The following PDE1A variants were observed in gnomAD, a reference collection of about 807,000 sequenced individuals.
PDE1A encodes dual specificity calcium/calmodulin-dependent 3',5'-cyclic nucleotide phosphodiesterase 1A.
PDE1A carries 35 observed loss-of-function variants against 61.7 expected under a neutral mutation model. That is an observed-to-expected ratio of 0.57 (90% CI 0.43 to 0.75). PDE1A has a LOEUF of 0.75. Ranked by LOEUF, PDE1A falls within the 30% of genes least tolerant of loss-of-function variation. The pLI, the probability that PDE1A is intolerant of heterozygous loss-of-function variation, is 0.00. For missense variants in PDE1A, 597 were observed against 630.6 expected (o/e 0.95, Z 0.57); for synonymous variants, 232 against 213.2 (o/e 1.09, Z -0.77).
chr2:182,341,733 A>C (rs1414399018), intron 1 of PDE1A, among the ~76,000 whole-genome samples: 1 of 152,178 alleles, frequency 6.6e-6, no homozygotes, highest in Non-Finnish European at 1.5e-5. Context: ...CTTTCTTTGA[A>C]TAAGCTACAA....
At chr2:182,335,440 C>G (rs940214975) in intron 1 of PDE1A, among the ~76,000 whole-genome samples, 1 of 152,136 alleles carries the variant, frequency 6.6e-6, no homozygotes, top group Admixed American at 6.5e-5. Context: ...TGGAACAGAA[C>G]AGAGGCCTCA....
At chr2:182,631,430 G>A in the PDE1A span, among the ~76,000 whole-genome samples, 1 of 152,090 alleles carries the variant, frequency 6.6e-6, no homozygotes, top group Non-Finnish European at 1.5e-5. Context: ...TCTCGCATTA[G>A]GTAATCAGGC....
At chr2:182,397,202 A>G (rs1403542975) in intron 1 of PDE1A, among the ~76,000 whole-genome samples, 1 of 152,194 alleles carries the variant, frequency 6.6e-6, no homozygotes, top group South Asian at 2.1e-4. Context: ...AACTCAAAAT[A>G]TGTAGTAACA....
chr2:182,255,954 G>T (rs1274344895), intron 2 of PDE1A, among the ~76,000 whole-genome samples: 1 of 150,322 alleles, frequency 6.7e-6, no homozygotes, highest in Non-Finnish European at 1.5e-5. Flanking sequence ...TTACATGCGT[G>T]AGCCACCGCA....
intron 7 of PDE1A, among the ~76,000 whole-genome samples, chr2:182,207,935 G>C (rs565941858): frequency 1.1e-4 from 17 of 152,330 alleles, no homozygotes; most frequent in African/African-American, 4.1e-4. Flanking sequence ...AGCCTTGGTG[G>C]CTTCTACATG....
the PDE1A span, among the ~76,000 whole-genome samples, chr2:182,710,160 G>T: frequency 1.3e-5 from 2 of 152,324 alleles, no homozygotes; most frequent in South Asian, 4.1e-4. Flanking sequence ...CTCCCAAAGT[G>T]CTGGGATTAC....
At chr2:182,324,006 C>T (rs542490451) in intron 1 of PDE1A, among the ~76,000 whole-genome samples, 2 of 152,230 alleles carry the variant, frequency 1.3e-5, no homozygotes, top group South Asian at 4.1e-4. Flanking sequence ...GTAGGGAAGA[C>T]ATTTCTGCTT....
Position 182,418,570 on chromosome 2 carries a change from C to T in PDE1A, c.53+8008G>A, listed in dbSNP as rs190024509. Among the ~76,000 whole-genome samples the T allele has an allele frequency of 9.4e-4, 143 of 152,040 alleles. 1 individual carries two copies. Among genetic ancestry groups the T allele is most frequent in the Admixed American group, 8.8e-3 (135 of 15,262 alleles). The stretch of plus-strand genomic sequence containing the variant: ...AAACTATGTGCTTTTTCTTCAACAG[C>T]GGAATGAACTGCAGATGGAGTAAGG... On this transcript the variant is annotated intron_variant, in intron 1 of 13. Coordinates refer to ENST00000351439, the Ensembl canonical transcript of PDE1A.
intron 10 of PDE1A, among the ~76,000 whole-genome samples, chr2:182,193,000 T>G (rs1221831156): frequency 1.3e-5 from 2 of 152,120 alleles, no homozygotes; most frequent in African/African-American, 4.8e-5. Context: ...GTTTTTCTTT[T>G]TTTCTTGAGA....
chr2:182,709,716 T>C, the PDE1A span, among the ~76,000 whole-genome samples: 8 of 152,218 alleles, frequency 5.3e-5, no homozygotes, highest in Non-Finnish European at 1.2e-4. Context: ...ACATATATCA[T>C]GGTGCTGTTG....
chr2:182,403,667 A>C (rs903615829), intron 1 of PDE1A, among the ~76,000 whole-genome samples: 1 of 151,856 alleles, frequency 6.6e-6, no homozygotes, highest in African/African-American at 2.4e-5. Flanking sequence ...AAAAGGGATG[A>C]GTTCATGTCC....
intron 1 of PDE1A, among the ~76,000 whole-genome samples, chr2:182,386,278 A>T (rs1357909406): frequency 1.3e-5 from 2 of 151,770 alleles, no homozygotes; most frequent in African/African-American, 4.8e-5. Flanking sequence ...CCGTCTGGGA[A>T]GTGAGGAGCG....
chr2:182,539,297 G>A, the PDE1A span, among the ~76,000 whole-genome samples: 2 of 152,220 alleles, frequency 1.3e-5, no homozygotes, highest in South Asian at 2.1e-4. Flanking sequence ...AGAGGCTCTC[G>A]AGCCATCACA....
intron 13 of PDE1A, among the ~76,000 whole-genome samples, chr2:182,160,207 C>T (rs1203571780): frequency 6.6e-6 from 1 of 152,072 alleles, no homozygotes; most frequent in African/African-American, 2.4e-5. Flanking sequence ...ATGCTCCCTC[C>T]CTGGGTGTAA....
At chr2:182,254,999 A>C (rs1691672391) in intron 2 of PDE1A, among the ~76,000 whole-genome samples, 1 of 152,202 alleles carries the variant, frequency 6.6e-6, no homozygotes, top group Non-Finnish European at 1.5e-5. Context: ...ATGAAACATA[A>C]GGATATGCTT....
At chr2:182,597,103 G>A in the PDE1A span, among the ~76,000 whole-genome samples, 2 of 151,748 alleles carry the variant, frequency 1.3e-5, no homozygotes, top group Non-Finnish European at 2.9e-5. Context: ...GGTGAGCCAT[G>A]ATCATGCCAC....
chr2:182,509,433 A>C (rs774168732), intron 2 of PDE1A, among the ~76,000 whole-genome samples: 17 of 152,196 alleles, frequency 1.1e-4, no homozygotes, highest in Non-Finnish European at 2.4e-4. Context: ...GGAAAAAATC[A>C]AAACAAGAGA....
At chr2:182,670,111 A>G in the PDE1A span, among the ~76,000 whole-genome samples, 1 of 152,114 alleles carries the variant, frequency 6.6e-6, no homozygotes, top group African/African-American at 2.4e-5. Context: ...GCCCACCACC[A>G]CTGGATTCTC....
intron 13 of PDE1A, among the ~76,000 whole-genome samples, chr2:182,158,202 A>G (rs1234549886): frequency 6.6e-6 from 1 of 152,202 alleles, no homozygotes; most frequent in Non-Finnish European, 1.5e-5. Context: ...TTGTAAATTC[A>G]TGCTTTAAAA....
Sources: gnomAD v4.1 joint callset for allele counts (sites outside exome capture counted in the v4.1 genomes callset) on GRCh38, gnomAD v4.1.1 for gene constraint, MANE v1.5 for transcripts, NCBI Gene and HGNC (gene_info 2026-07-23, HGNC 2026-07-21) for gene names.